CADPS2: variants seen among roughly 807,000 people sequenced by gnomAD.
CADPS2 encodes the protein calcium dependent secretion activator 2.
A neutral mutation model predicts 172.5 loss-of-function variants in CADPS2; 93 were observed. The ratio of observed to expected loss-of-function variants is 0.54; its 90% CI spans 0.46 to 0.64. The LOEUF (loss-of-function observed/expected upper bound fraction) is 0.64, where lower values mean the gene tolerates loss of function less well. CADPS2 is among the 30% of genes least tolerant of loss of function. The pLI, the probability that CADPS2 is intolerant of heterozygous loss-of-function variation, is 0.00. For missense variants in CADPS2, 1,420 were observed against 1,565.9 expected, an observed-to-expected ratio of 0.91 and a Z score of 1.57; for synonymous variants, 546 against 555.2, an observed-to-expected ratio of 0.98 and a Z score of 0.23.
intron 2 of CADPS2, among the ~76,000 whole-genome samples, chr7:122,675,086 TAA>T (rs1383297915): frequency 6.6e-6 from 1 of 152,174 alleles, no homozygotes; most frequent in East Asian, 1.9e-4. Context: ...AATCCAAACT[TAA>T]AAGAGATACA....
chr7:122,865,673 G>C (rs935052517), intron 1 of CADPS2, among the ~76,000 whole-genome samples: 15 of 152,192 alleles, frequency 9.9e-5, no homozygotes, highest in African/African-American at 3.6e-4. Context: ...CCACAGTTGT[G>C]TTATTGACCC....
intron 1 of CADPS2, among the ~76,000 whole-genome samples, chr7:122,870,552 C>T (rs1819497439): frequency 6.6e-6 from 1 of 151,980 alleles, no homozygotes; most frequent in South Asian, 2.1e-4. Flanking sequence ...TAGTGATCTA[C>T]TGCATTGCAT....
chr7:122,493,713 G>A (rs984558859), intron 9 of CADPS2, among the ~76,000 whole-genome samples: 1 of 124,952 alleles, frequency 8.0e-6, no homozygotes, highest in Non-Finnish European at 1.6e-5. Flanking sequence ...GCGTGGTTAT[G>A]TTTAATCTTT....
intron 14 of CADPS2, among the ~76,000 whole-genome samples, chr7:122,462,158 T>C (rs1330685320): frequency 6.6e-6 from 1 of 152,064 alleles, no homozygotes; most frequent in East Asian, 1.9e-4. Flanking sequence ...AGAAAGATAA[T>C]ATTAATTTAT....
At chr7:122,471,680 A>G in intron 13 of CADPS2, 118 bp from the exon 14 acceptor site, 1 of 810,878 alleles carries the variant, frequency 1.2e-6, no homozygotes, top group Non-Finnish European at 1.9e-6. Flanking sequence ...CTTGACATTT[A>G]TTTTATTAGT....
In CADPS2 at chr7:122,841,566, G is replaced by A. The variant is rs560297534; in HGVS notation, c.339+44433C>T. 5.3e-5 allele frequency among the ~76,000 whole-genome samples: 8 copies of A among 152,250 alleles called. No individual in the cohort carries two copies. In the South Asian group the frequency reaches 1.5e-3, roughly 28 times the overall value. Reference sequence around the variant, plus strand: ...CAAAGTAGAGACAGAAATGAAAACTGAGCATTTCTTAGGTTTCTGTAAAGA... The same window carrying A: ...CAAAGTAGAGACAGAAATGAAAACTAAGCATTTCTTAGGTTTCTGTAAAGA... On this transcript the variant is annotated intron_variant, in intron 1 of 29. Transcript: ENST00000449022.
Position 122,418,968 on chromosome 7 carries a change from T to G in CADPS2, c.2477-2804A>C, listed in dbSNP as rs2048251893. 2.0e-5 allele frequency among the ~76,000 whole-genome samples: 3 copies of G among 152,204 alleles called. No individual in the cohort carries two copies. In the South Asian group the frequency reaches 6.2e-4, roughly 31 times the overall value. ...GACAAACTGCTACTCTGCTTCAAGA[T>G]TCTACTTTAATGCTACCTTAAAATT... is the stretch of plus-strand genomic sequence containing the variant. On this transcript the variant is annotated intron_variant, in intron 17 of 29. Coordinates refer to ENST00000449022, the MANE Select transcript of CADPS2 (RefSeq NM_017954.11).
intron 7 of CADPS2, among the ~76,000 whole-genome samples, chr7:122,569,090 T>A (rs1037200264): frequency 3.3e-5 from 5 of 152,284 alleles, no homozygotes; most frequent in African/African-American, 1.2e-4. Context: ...GAAGTCAAAT[T>A]GTCCCTGTTT....
intron 2 of CADPS2, among the ~76,000 whole-genome samples, chr7:122,732,293 C>T (rs1257172926): frequency 6.6e-6 from 1 of 150,452 alleles, no homozygotes; most frequent in East Asian, 1.9e-4. Context: ...TAAAGTAAAC[C>T]GAATATCTGA....
chr7:122,519,066 T>C (rs1376019506), intron 8 of CADPS2, among the ~76,000 whole-genome samples: 1 of 151,924 alleles, frequency 6.6e-6, no homozygotes, highest in African/African-American at 2.4e-5. Flanking sequence ...TCTCCAGTAC[T>C]CTATTAGCAA....
chr7:122,367,344 T>G (rs2151209263), intron 25 of CADPS2, among the ~76,000 whole-genome samples: 1 of 151,432 alleles, frequency 6.6e-6, no homozygotes, highest in Non-Finnish European at 1.5e-5. Flanking sequence ...ATCAATATAG[T>G]TGTGGGAAAA....
chr7:122,815,938 G>C (rs1172572823), intron 1 of CADPS2, among the ~76,000 whole-genome samples: 1 of 152,096 alleles, frequency 6.6e-6, no homozygotes, highest in Non-Finnish European at 1.5e-5. Context: ...GTGAAATTTT[G>C]ATACAAGCAT....
At chr7:122,399,747 C>T (rs1467170580) in intron 20 of CADPS2, among the ~76,000 whole-genome samples, 2 of 123,994 alleles carry the variant, frequency 1.6e-5, no homozygotes, top group Admixed American at 1.1e-4. Flanking sequence ...AGTGCAGTGG[C>T]GCGATCTCGG....
At chr7:122,485,752 C>T (rs537316805) in intron 11 of CADPS2, among the ~76,000 whole-genome samples, 1 of 152,268 alleles carries the variant, frequency 6.6e-6, no homozygotes, top group South Asian at 2.1e-4. Context: ...GAAGAAGATG[C>T]CATCCAGGAC....
intron 9 of CADPS2, among the ~76,000 whole-genome samples, chr7:122,512,285 T>A (rs955684504): frequency 6.6e-6 from 1 of 152,154 alleles, no homozygotes; most frequent in Admixed American, 6.5e-5. Context: ...CATTTTACTA[T>A]GTCATTCTGA....
At chr7:122,412,915 T>C (rs1261166346) in intron 19 of CADPS2, 1 of 152,208 alleles carries the variant, frequency 6.6e-6, no homozygotes, top group African/African-American at 2.4e-5. Flanking sequence ...TGCATCTACA[T>C]CCCTGTTGTG....
chr7:122,405,192 C>T (rs2046495380), intron 20 of CADPS2, among the ~76,000 whole-genome samples: 1 of 152,036 alleles, frequency 6.6e-6, no homozygotes, highest in Non-Finnish European at 1.5e-5. Context: ...GGACTTAATG[C>T]CTAATATATA....
chr7:122,388,861 A>C (rs1243912545), intron 22 of CADPS2, 123 bp from the exon 23 acceptor site: 2 of 859,634 alleles, frequency 2.3e-6, no homozygotes, highest in African/African-American at 3.4e-5. Flanking sequence ...TAAAGTCTCT[A>C]ATGATCCAAT....
chr7:122,821,584 C>T (rs182894434), intron 1 of CADPS2, among the ~76,000 whole-genome samples: 38 of 152,172 alleles, frequency 2.5e-4, no homozygotes, highest in Non-Finnish European at 3.7e-4. Context: ...AGATGGCCAC[C>T]GCAGTCATTT....
Sources: allele counts gnomAD v4.1 joint callset (sites outside exome capture counted in the v4.1 genomes callset), GRCh38; gene constraint gnomAD v4.1.1; transcripts MANE v1.5; gene names NCBI Gene and HGNC (gene_info 2026-07-23, HGNC 2026-07-21).